Variants in NFKB1 observed in about 807,000 individuals in gnomAD.
The protein encoded by NFKB1 is nuclear factor kappa B subunit 1.
A neutral mutation model predicts 105.1 loss-of-function variants in NFKB1; 9 were observed. That is an observed-to-expected ratio of 0.09 (90% CI 0.05 to 0.15). The LOEUF is 0.15. NFKB1 is among the 10% of genes least tolerant of loss of function. The probability of loss-of-function intolerance (pLI) is 1.00; values close to 1 mark genes in which losing one functional copy is unlikely to be tolerated. For synonymous variants in NFKB1, 440 were observed against 442.2 expected (o/e 1.00, Z 0.06); for missense variants, 830 against 1,203.7 (o/e 0.69, Z 4.59).
rs373322154 is a variant in NFKB1, at chr4:102,584,705, A to C, written c.951A>C (p.Pro317=). 1 of 1,602,960 alleles carries C rather than the reference A, an allele frequency of 6.2e-7. No homozygotes were observed. The highest frequency in any genetic ancestry group is 2.2e-5 in the East Asian group (1 of 44,700). The change falls in exon 11 of 24, where the codon CCA becomes CCC. Residue 317 remains proline (P), a synonymous_variant. Transcript: ENST00000226574. ...HRQFAIVFKT[P]KYKDINITKP... ...AGTTTGCCATTGTCTTCAAAACTCC[A>C]AAGTATAAAGATATTAATATTACAA...
chr4:102,552,431 T>C (rs1383617333), intron 5 of NFKB1, among the ~76,000 whole-genome samples: 1 of 152,166 alleles, frequency 6.6e-6, no homozygotes, highest in Admixed American at 6.5e-5. Context: ...ATGGAATGTA[T>C]TGCCTCAGGA....
At chr4:102,592,172 A>G (rs181550738) in intron 11 of NFKB1, among the ~76,000 whole-genome samples, 183 of 152,342 alleles carry the variant, frequency 1.2e-3, no homozygotes, top group African/African-American at 4.1e-3. Context: ...TAGTTTCTTG[A>G]GATAGAATCT....
At chr4:102,578,833 A>G (rs1036417853) in intron 7 of NFKB1, 48 bp from the exon 8 acceptor site, 52 of 1,570,602 alleles carry the variant, frequency 3.3e-5, no homozygotes, top group Non-Finnish European at 4.3e-5. Flanking sequence ...GGTCTTTTAA[A>G]TGTTCACACT....
At chr4:102,612,395 C>CATGT in intron 21 of NFKB1, 39 bp from the exon 22 acceptor site, 2 of 1,595,610 alleles carry the variant, frequency 1.3e-6, no homozygotes, top group South Asian at 1.1e-5. Context: ...GTGTCTATGG[C>CATGT]ATGTTAGAAC....
chr4:102,590,210 G>A (rs1250499544), intron 11 of NFKB1, among the ~76,000 whole-genome samples: 2 of 152,204 alleles, frequency 1.3e-5, no homozygotes, highest in Non-Finnish European at 2.9e-5. Flanking sequence ...TCTTTAGTAT[G>A]TCCCACACAC....
At chr4:102,534,810 T>C (rs1358391546) in intron 4 of NFKB1, among the ~76,000 whole-genome samples, 1 of 152,200 alleles carries the variant, frequency 6.6e-6, no homozygotes, top group Non-Finnish European at 1.5e-5. Flanking sequence ...GAAACACTTT[T>C]GCATTTTGTA....
At chr4:102,594,262 G>T (rs571883524) in intron 12 of NFKB1, among the ~76,000 whole-genome samples, 1 of 152,116 alleles carries the variant, frequency 6.6e-6, no homozygotes, top group East Asian at 1.9e-4. Flanking sequence ...ACAAACCATA[G>T]TATAACTTAC....
intron 11 of NFKB1, among the ~76,000 whole-genome samples, chr4:102,591,369 A>C (rs1298465125): frequency 6.6e-6 from 1 of 151,058 alleles, no homozygotes; most frequent in Non-Finnish European, 1.5e-5. Context: ...GCAGTGAGCT[A>C]TAATTGCACC....
In NFKB1 at chr4:102,525,505, T is replaced by G. The variant is rs766112436; in HGVS notation, c.-7-7T>G. ...ACAGTTTTGTTTTGTTTTGTTTTAA[T>G]ACACAGCTTCAGAATGGCAGAAGAT... On this transcript the variant is annotated splice_region_variant and splice_polypyrimidine_tract_variant and intron_variant, in intron 1 of 23. Transcript: ENST00000226574. 6.2e-7 allele frequency: 1 copy of G among 1,613,206 alleles called. No individual in the cohort carries two copies. Among genetic ancestry groups the G allele is most frequent in the South Asian group, 1.1e-5 (1 of 90,988 alleles).
chr4:102,533,462 A>G (rs1578730730), intron 3 of NFKB1, among the ~76,000 whole-genome samples: 4 of 152,338 alleles, frequency 2.6e-5, no homozygotes, highest in Middle Eastern at 3.4e-3. Context: ...AGAAAATGTC[A>G]TAGTGCCCAG....
intron 17 of NFKB1, 149 bp downstream of exon 17, chr4:102,606,846 G>A (rs1167196557): frequency 4.6e-6 from 4 of 860,256 alleles, no homozygotes; most frequent in Admixed American, 5.5e-5. Flanking sequence ...CATTTCTGTT[G>A]CTCACCAAAG....
chr4:102,551,367 T>TGTGTGTGTGTGTGTGTGCGCGC (rs370790173), intron 5 of NFKB1, among the ~76,000 whole-genome samples: 1 of 150,090 alleles, frequency 6.7e-6, no homozygotes, highest in African/African-American at 2.4e-5. Flanking sequence ...TGTGTGTGTG[T>TGTGTGTGTGTGTGTGTGCGCGC]GCGCGCGCGC....
intron 5 of NFKB1, among the ~76,000 whole-genome samples, chr4:102,560,136 A>T (rs542268600): frequency 6.6e-6 from 1 of 152,292 alleles, no homozygotes; most frequent in African/African-American, 2.4e-5. Flanking sequence ...GTGATGAATG[A>T]TTAGGCCATC....
intron 1 of NFKB1, among the ~76,000 whole-genome samples, chr4:102,514,666 T>C (rs1196517311): frequency 3.3e-5 from 5 of 152,222 alleles, no homozygotes; most frequent in African/African-American, 1.2e-4. Flanking sequence ...CTTTGATCAA[T>C]TACCGAGAGA....
intron 3 of NFKB1, 115 bp downstream of exon 3, chr4:102,530,029 A>G: frequency 1.4e-6 from 1 of 714,222 alleles, no homozygotes; most frequent in Non-Finnish European, 2.3e-6. Context: ...GGAAATGGTG[A>G]TTTGTTTTAA....
intron 18 of NFKB1, 30 bp downstream of exon 18, chr4:102,607,349 T>G (rs1727864084): frequency 6.3e-7 from 1 of 1,595,826 alleles, no homozygotes; most frequent in African/African-American, 1.3e-5. Flanking sequence ...GCTTTTGCAT[T>G]AAATTTCTGA....
At position 102,593,571 on chromosome 4, in the gene NFKB1, A is replaced by G; in HGVS notation, c.1210+3A>G. 1 of 1,607,898 alleles carries G rather than the reference A, an allele frequency of 6.2e-7. No homozygotes were observed. Among genetic ancestry groups the G allele is most frequent in the Non-Finnish European group, 8.5e-7 (1 of 1,177,458 alleles). On this transcript the variant is annotated splice_donor_region_variant and intron_variant, in intron 12 of 23. Transcript: ENST00000226574. ...GGGCACTGGAAGTACAGGTCCAGGT[A>G]CAAAAATACTTATTCTTCCTAAAAC...
At chr4:102,563,961 G>A (rs1409861495) in intron 5 of NFKB1, among the ~76,000 whole-genome samples, 1 of 151,698 alleles carries the variant, frequency 6.6e-6, no homozygotes, top group Non-Finnish European at 1.5e-5. Flanking sequence ...TGGGATTACA[G>A]GTGCACACCA....
At chr4:102,583,820 C>A (rs1432578034) in intron 10 of NFKB1, among the ~76,000 whole-genome samples, 1 of 152,028 alleles carries the variant, frequency 6.6e-6, no homozygotes, top group African/African-American at 2.4e-5. Context: ...TGGAAACAAT[C>A]CAGATATTCA....
Sources: gnomAD v4.1 joint callset for allele counts (sites outside exome capture counted in the v4.1 genomes callset) on GRCh38, gnomAD v4.1.1 for gene constraint, MANE v1.5 for transcripts, NCBI Gene and HGNC (gene_info 2026-07-23, HGNC 2026-07-21) for gene names.